Variants in NCAM1 observed in about 807,000 individuals in gnomAD.
The protein encoded by NCAM1 is neural cell adhesion molecule 1.
Under a neutral mutation model 109.8 loss-of-function variants are expected in NCAM1, and 14 were observed. The ratio of observed to expected loss-of-function variants is 0.13; its 90% CI spans 0.08 to 0.20. NCAM1 has a LOEUF of 0.20. Ranked by LOEUF, NCAM1 falls within the 10% of genes least tolerant of loss-of-function variation. The probability of loss-of-function intolerance (pLI) is 1.00; values close to 1 mark genes in which losing one functional copy is unlikely to be tolerated. For synonymous variants in NCAM1, 418 were observed against 442.9 expected, an observed-to-expected ratio of 0.94 and a Z score of 0.70; for missense variants, 774 against 1,109.9, an observed-to-expected ratio of 0.70 and a Z score of 4.30.
intron 1 of NCAM1, among the ~76,000 whole-genome samples, chr11:112,998,388 C>T (rs1951656289): frequency 6.6e-6 from 1 of 152,062 alleles, no homozygotes; most frequent in African/African-American, 2.4e-5. Context: ...ATGGGGATTC[C>T]TGCTTAGTTA....
At chr11:113,247,163 C>T (rs1555120391) in intron 15 of NCAM1, among the ~76,000 whole-genome samples, 2 of 152,208 alleles carry the variant, frequency 1.3e-5, no homozygotes, top group African/African-American at 4.8e-5. Flanking sequence ...CTTGTTAAAA[C>T]ATTTCTCGCT....
Position 113,221,383 on chromosome 11 carries a change from C to T in NCAM1, c.1089+58C>T, listed in dbSNP as rs1944689151. The T allele has an allele frequency of 2.6e-6, 4 of 1,519,078 alleles. No individual in the cohort carries two copies. In the East Asian group the frequency reaches 7.3e-5, roughly 28 times the overall value. The allele number at this position is 1,519,078 out of a possible 1,614,324, so 94.1% of individuals were successfully genotyped here. A position where few individuals can be genotyped will look rare whatever the true frequency, so the allele number is the denominator to read the frequency against. The stretch of plus-strand genomic sequence containing the variant: ...GTTTTGAAAGCATTACAGTTTAACT[C>T]ACCATTGCAGTTTAATAACCAGACA... On this transcript the variant is annotated intron_variant, in intron 9 of 19. Transcript: ENST00000316851.
At chr11:113,049,989 G>C (rs1953409222) in intron 1 of NCAM1, among the ~76,000 whole-genome samples, 2 of 152,146 alleles carry the variant, frequency 1.3e-5, no homozygotes, top group Non-Finnish European at 2.9e-5. Flanking sequence ...GCCTGAAAAA[G>C]AATGCCTTGG....
At chr11:113,228,955 T>C (rs1259625724) in intron 9 of NCAM1, among the ~76,000 whole-genome samples, 1 of 152,148 alleles carries the variant, frequency 6.6e-6, no homozygotes, top group Non-Finnish European at 1.5e-5. Context: ...AAGACTTAAA[T>C]GTTAGACCTA....
At chr11:113,165,344 C>T (rs1942754741) in intron 1 of NCAM1, among the ~76,000 whole-genome samples, 1 of 152,192 alleles carries the variant, frequency 6.6e-6, no homozygotes, top group Admixed American at 6.5e-5. Flanking sequence ...TCTAAGTCCT[C>T]TTTAGAGCTA....
At chr11:113,220,508 G>A (rs2850303) in intron 8 of NCAM1, among the ~76,000 whole-genome samples, 92,524 of 151,608 alleles carry the variant, frequency 0.61, 30,169 homozygotes, top group African/African-American at 0.85. Flanking sequence ...GCAAAGAGTT[G>A]TAAAATGCAT....
chr11:112,967,050 T>C (rs562357310), intron 1 of NCAM1, among the ~76,000 whole-genome samples: 1 of 152,378 alleles, frequency 6.6e-6, no homozygotes, highest in Non-Finnish European at 1.5e-5. Flanking sequence ...ATTCAAAGAT[T>C]GCATGGCTGA....
In NCAM1 at chr11:113,277,414, C is replaced by T. The variant is rs1487831714; in HGVS notation, c.*2027C>T. ...CTGGCCCCTTTGATTCTAGGGCCTG[C>T]ACAGATCTCTGGTTCAAATGCACAG... On this transcript the variant is annotated 3_prime_UTR_variant, in exon 20 of 20. Transcript: ENST00000316851. 2.5e-6 allele frequency: 1 copy of T among 399,066 alleles called. No individual in the cohort carries two copies. Among genetic ancestry groups the T allele is most frequent in the Non-Finnish European group, 4.4e-6 (1 of 226,088 alleles). The allele number at this position is 399,066 out of a possible 1,614,324, so 24.7% of individuals were successfully genotyped here. A position where few individuals can be genotyped will look rare whatever the true frequency, so the allele number is the denominator to read the frequency against.
chr11:113,185,798 C>A (rs73570764), intron 1 of NCAM1, among the ~76,000 whole-genome samples: 13,018 of 152,168 alleles, frequency 0.086, 1,753 homozygotes, highest in African/African-American at 0.29. Context: ...CCAGTGACCC[C>A]CCTCACCTGG....
chr11:113,048,047 T>C (rs193240574), intron 1 of NCAM1, among the ~76,000 whole-genome samples: 1 of 152,066 alleles, frequency 6.6e-6, no homozygotes, highest in Non-Finnish European at 1.5e-5. Flanking sequence ...TTGCAATGAA[T>C]CTCTCTGGGC....
At chr11:113,189,500 C>G (rs1943613076) in intron 1 of NCAM1, among the ~76,000 whole-genome samples, 1 of 150,226 alleles carries the variant, frequency 6.7e-6, no homozygotes, top group Non-Finnish European at 1.5e-5. Flanking sequence ...TTGTGAAATT[C>G]TTCCTAGAAG....
At chr11:112,980,589 G>GT (rs1951127000) in intron 1 of NCAM1, among the ~76,000 whole-genome samples, 1 of 151,630 alleles carries the variant, frequency 6.6e-6, no homozygotes, top group Non-Finnish European at 1.5e-5. Flanking sequence ...CTGTTTGTTT[G>GT]TTTTTTTGTA....
intron 1 of NCAM1, among the ~76,000 whole-genome samples, chr11:113,181,183 C>CTGA (rs1459176266): frequency 6.6e-6 from 1 of 152,188 alleles, no homozygotes; most frequent in Non-Finnish European, 1.5e-5. Flanking sequence ...TAAGAGGGCT[C>CTGA]TGAGATCTGG....
intron 1 of NCAM1, among the ~76,000 whole-genome samples, chr11:113,165,018 G>A (rs1302372839): frequency 6.6e-6 from 1 of 152,076 alleles, no homozygotes; most frequent in Non-Finnish European, 1.5e-5. Context: ...GGCAACAGGG[G>A]TCAAAGACAA....
intron 1 of NCAM1, among the ~76,000 whole-genome samples, chr11:113,169,354 T>C (rs1173462610): frequency 3.3e-5 from 5 of 152,150 alleles, no homozygotes; most frequent in African/African-American, 9.7e-5. Flanking sequence ...TCCACATTAA[T>C]AATGCAGAGA....
At chr11:113,025,778 CGAGAGAGAGAGAGAGAGAGAGAGA>C (rs199893109) in intron 1 of NCAM1, among the ~76,000 whole-genome samples, 19 of 118,848 alleles carry the variant, frequency 1.6e-4, no homozygotes, top group Admixed American at 4.4e-4. Flanking sequence ...CACAGGGAGC[CGAGAGAGAGAGAGAGAGAGAGAGA>C]GAGAGAGAGA....
chr11:113,243,750 G>A, intron 14 of NCAM1: 1 of 303,956 alleles, frequency 3.3e-6, no homozygotes, highest in South Asian at 2.8e-5. Flanking sequence ...GAAAAAAAAT[G>A]GCATACATCC....
chr11:113,084,310 A>G (rs782497831), intron 1 of NCAM1, among the ~76,000 whole-genome samples: 2 of 152,180 alleles, frequency 1.3e-5, no homozygotes, highest in Non-Finnish European at 1.5e-5. Flanking sequence ...CTATCTATCT[A>G]ACATTGTCAA....
chr11:113,059,967 A>G (rs1446439488), intron 1 of NCAM1, among the ~76,000 whole-genome samples: 2 of 152,236 alleles, frequency 1.3e-5, no homozygotes, highest in Non-Finnish European at 2.9e-5. Flanking sequence ...TATCTCCCTT[A>G]TACAGGGAAG....
Sources: gnomAD v4.1 joint callset for allele counts (sites outside exome capture counted in the v4.1 genomes callset) on GRCh38, gnomAD v4.1.1 for gene constraint, MANE v1.5 for transcripts, NCBI Gene and HGNC (gene_info 2026-07-23, HGNC 2026-07-21) for gene names.